MYOM1: variants seen among roughly 807,000 people sequenced by gnomAD.
MYOM1 encodes myomesin-1.
Under a neutral mutation model 205.3 loss-of-function variants are expected in MYOM1, and 164 were observed. The ratio of observed to expected loss-of-function variants is 0.80; its 90% CI spans 0.70 to 0.91. MYOM1 has a LOEUF of 0.91. Ranked by LOEUF, MYOM1 falls within the 40% of genes least tolerant of loss-of-function variation. The probability of loss-of-function intolerance (pLI) is 0.00; values close to 1 mark genes in which losing one functional copy is unlikely to be tolerated. For synonymous variants in MYOM1, 772 were observed against 789.4 expected, an observed-to-expected ratio of 0.98 and a Z score of 0.37; for missense variants, 2,011 against 2,127.3, an observed-to-expected ratio of 0.95 and a Z score of 1.08.
intron 36 of MYOM1, among the ~76,000 whole-genome samples, chr18:3,072,696 G>GTT (rs2078974858): frequency 6.6e-6 from 1 of 151,600 alleles, no homozygotes; most frequent in African/African-American, 2.4e-5. Context: ...TATTGTGTGT[G>GTT]TGTGGGGGGC....
intron 26 of MYOM1, among the ~76,000 whole-genome samples, chr18:3,091,125 G>A (rs981855882): frequency 2.0e-5 from 3 of 152,126 alleles, no homozygotes; most frequent in Non-Finnish European, 2.9e-5. Flanking sequence ...AGACCAGCCT[G>A]ACCAATATGA....
intron 18 of MYOM1, 87 bp from the exon 19 acceptor site, chr18:3,126,984 G>A: frequency 1.6e-6 from 2 of 1,231,926 alleles, no homozygotes; most frequent in Non-Finnish European, 2.3e-6. Flanking sequence ...ACATATGAGG[G>A]CACTAGATCT....
At chr18:3,124,869 T>C (rs113039983) in intron 19 of MYOM1, among the ~76,000 whole-genome samples, 2 of 152,286 alleles carry the variant, frequency 1.3e-5, no homozygotes, top group African/African-American at 4.8e-5. Context: ...TTAGTAAATA[T>C]GACTACAATG....
chr18:3,088,985 G>A (rs560556769), intron 29 of MYOM1, among the ~76,000 whole-genome samples, 189 bp downstream of exon 29: 3 of 152,140 alleles, frequency 2.0e-5, no homozygotes, highest in Non-Finnish European at 2.9e-5. Context: ...ACCTTGCCTT[G>A]TCATATTTTA....
intron 37 of MYOM1, 107 bp downstream of exon 37, chr18:3,071,727 G>T: frequency 9.4e-7 from 1 of 1,067,934 alleles, no homozygotes; most frequent in Non-Finnish European, 1.4e-6. Context: ...GGAGTACGAT[G>T]AAGGTGGTGG....
chr18:3,215,040 G>A lies in MYOM1; in HGVS notation c.184C>T (p.Arg62Cys), dbSNP rs766972653. The change falls in exon 2 of 38, where the codon CGT (arginine) becomes TGT (cysteine). Residue 62 changes from arginine to cysteine, a missense_variant. Arg to Cys is a radical substitution (Grantham distance 180). Coordinates refer to ENST00000356443, the MANE Select transcript of MYOM1 (RefSeq NM_003803.4). ...TGGGAGGAGGAGGCGGACGCCCGAC[G>A]GAAGGCCTCGGACTCCCGGCGGTGC... ...AAHRRESEAF[R>C]RASASSSQQQ... is the part of the protein sequence containing the mutation. 98 of 1,612,786 alleles carry A rather than the reference G, an allele frequency of 6.1e-5. 1 individual carries two copies. The highest frequency in any genetic ancestry group is 7.5e-5 in the Non-Finnish European group (89 of 1,179,488).
At chr18:3,149,311 A>T (rs752906349) in intron 12 of MYOM1, 110 bp from the exon 13 acceptor site, 1 of 820,002 alleles carries the variant, frequency 1.2e-6, no homozygotes, top group Non-Finnish European at 2.0e-6. Context: ...GTTTGTTACT[A>T]ATAGACTTAT....
Position 3,085,034 on chromosome 18 carries a change from G to T in MYOM1, c.4339+11C>A. 6 of 1,590,544 alleles carry T rather than the reference G, an allele frequency of 3.8e-6. No homozygotes were observed. Among genetic ancestry groups the T allele is most frequent in the Non-Finnish European group, 5.1e-6 (6 of 1,165,632 alleles). On this transcript the variant is annotated intron_variant, in intron 31 of 37. Transcript: ENST00000356443. ...ACACACAAGACAGACCCCAGCAGTTGGTGGACTGACCTTCATCCACAAGCT... is the reference window on the plus strand; with the variant it reads ...ACACACAAGACAGACCCCAGCAGTTTGTGGACTGACCTTCATCCACAAGCT...
At chr18:3,193,323 CATAT>C (rs1191269215) in intron 3 of MYOM1, among the ~76,000 whole-genome samples, 295 of 144,628 alleles carry the variant, frequency 2.0e-3, no homozygotes, top group South Asian at 4.3e-3. Context: ...TGTATATGTA[CATAT>C]ACATATATAT....
chr18:3,107,370 G>A (rs1409930299), intron 22 of MYOM1, among the ~76,000 whole-genome samples: 1 of 152,156 alleles, frequency 6.6e-6, no homozygotes, highest in East Asian at 1.9e-4. Flanking sequence ...ACCCACCTTG[G>A]CCTCCCAAAG....
intron 3 of MYOM1, among the ~76,000 whole-genome samples, chr18:3,191,358 G>A (rs2080902729): frequency 6.6e-6 from 1 of 152,170 alleles, no homozygotes; most frequent in South Asian, 2.1e-4. Flanking sequence ...GCCTACGTGG[G>A]ACTTTCAATT....
At chr18:3,182,818 T>C (rs1346427871) in intron 5 of MYOM1, among the ~76,000 whole-genome samples, 2 of 152,110 alleles carry the variant, frequency 1.3e-5, no homozygotes, top group African/African-American at 4.8e-5. Context: ...ACTACATATG[T>C]ATTTTCCCTT....
chr18:3,124,640 A>C (rs537644846), intron 19 of MYOM1, among the ~76,000 whole-genome samples: 4 of 152,074 alleles, frequency 2.6e-5, no homozygotes, highest in Admixed American at 1.3e-4. Flanking sequence ...CAAACTTTTC[A>C]ATAGATAATG....
At chr18:3,165,606 T>C (rs1440816847) in intron 9 of MYOM1, among the ~76,000 whole-genome samples, 2 of 152,234 alleles carry the variant, frequency 1.3e-5, no homozygotes, top group East Asian at 1.9e-4. Context: ...TTGCAGTGTC[T>C]ACATGTACAC....
At chr18:3,226,198 G>A in the MYOM1 span, among the ~76,000 whole-genome samples, 7,693 of 152,246 alleles carry the variant, frequency 0.051, 441 homozygotes, top group African/African-American at 0.14. This position sits in a 1 kb window ranked among gnomAD's most constrained non-coding sequence, Gnocchi z 4.6. Flanking sequence ...GTCAGCATGA[G>A]TGGTGCACGG....
Position 3,148,663 on chromosome 18 carries a change from C to T in MYOM1, c.1900+482G>A, listed in dbSNP as rs562245181. 1.6e-4 allele frequency among the ~76,000 whole-genome samples: 24 copies of T among 151,752 alleles called. No homozygotes were observed. The South Asian group carries it at 4.2e-3, about 26-fold the overall frequency. Reference sequence around the variant, plus strand: ...GAGATCGAGACCATCCTGGCTAACACGGTGAAATCCCGTCTCTACTAAAAA... The same window carrying T: ...GAGATCGAGACCATCCTGGCTAACATGGTGAAATCCCGTCTCTACTAAAAA... On this transcript the variant is annotated intron_variant, in intron 13 of 37. Coordinates refer to ENST00000356443, the MANE Select transcript of MYOM1 (RefSeq NM_003803.4).
intron 25 of MYOM1, among the ~76,000 whole-genome samples, chr18:3,097,700 C>T (rs1167713428): frequency 6.6e-6 from 1 of 152,152 alleles, no homozygotes; most frequent in South Asian, 2.1e-4. Flanking sequence ...AGCCACCTTG[C>T]CCAGCCGAAT....
At chr18:3,072,432 C>T (rs1486998886) in intron 36 of MYOM1, among the ~76,000 whole-genome samples, 3 of 143,324 alleles carry the variant, frequency 2.1e-5, no homozygotes, top group South Asian at 4.5e-4. Flanking sequence ...CAGCTCACTG[C>T]GACCTCCGCC....
intron 4 of MYOM1, 114 bp downstream of exon 4, chr18:3,188,634 G>GA (rs374255109): frequency 0.038 from 32,034 of 836,760 alleles, 2 homozygotes; most frequent in South Asian, 0.074. Flanking sequence ...ATCTCAAAAG[G>GA]AAAAAAAAAA....
Sources: gnomAD v4.1 joint callset for allele counts (sites outside exome capture counted in the v4.1 genomes callset) on GRCh38, gnomAD v4.1.1 for gene constraint, Gnocchi (gnomAD v3.1) non-coding constraint, MANE v1.5 for transcripts, NCBI Gene and HGNC (gene_info 2026-07-23, HGNC 2026-07-21) for gene names.